The following FCHSD2 variants were observed in gnomAD, a reference collection of about 807,000 sequenced individuals.
FCHSD2 encodes FCH and double SH3 domains 2, also known as F-BAR and double SH3 domains protein 2.
In FCHSD2, 38 loss-of-function variants were observed where a neutral mutation model predicts 108.1. The observed-to-expected ratio is 0.35, with a 90% CI of 0.27 to 0.46. The LOEUF (loss-of-function observed/expected upper bound fraction) is 0.46. FCHSD2 is among the 20% of genes least tolerant of loss of function. The pLI, the probability that FCHSD2 is intolerant of heterozygous loss-of-function variation, is 1.00. For missense variants in FCHSD2, 751 were observed against 897.8 expected, an observed-to-expected ratio of 0.84 and a Z score of 2.09; for synonymous variants, 279 against 314.7, an observed-to-expected ratio of 0.89 and a Z score of 1.20.
intron 2 of FCHSD2, among the ~76,000 whole-genome samples, chr11:73,097,009 T>TTTTTTTTTTGTTTTG (rs1860101324): frequency 8.5e-6 from 1 of 118,316 alleles, no homozygotes; most frequent in African/African-American, 3.4e-5. Flanking sequence ...TTTTTTTTTT[T>TTTTTTTTTTGTTTTG]TTTTTTTGAT....
intron 7 of FCHSD2, among the ~76,000 whole-genome samples, chr11:72,984,595 G>A (rs1857277410): frequency 6.6e-6 from 1 of 152,158 alleles, no homozygotes; most frequent in South Asian, 2.1e-4. Context: ...CACTCCTAAT[G>A]TGCCAGATGA....
At chr11:72,845,613 T>C (rs934721724) in intron 14 of FCHSD2, among the ~76,000 whole-genome samples, 1 of 152,184 alleles carries the variant, frequency 6.6e-6, no homozygotes, top group Non-Finnish European at 1.5e-5. Flanking sequence ...GTTCTTTGCA[T>C]GGCTATCAAG....
intron 3 of FCHSD2, among the ~76,000 whole-genome samples, chr11:73,041,447 A>C (rs1275059181): frequency 6.6e-6 from 1 of 151,968 alleles, no homozygotes; most frequent in African/African-American, 2.4e-5. Flanking sequence ...ATGATATCTC[A>C]TTGTGGTTTT....
At position 73,105,749 on chromosome 11, in the gene FCHSD2, T is replaced by C. The variant is rs530754918; in HGVS notation, c.120-22009A>G. Among the ~76,000 whole-genome samples, 466 of 152,302 alleles carry C rather than the reference T, an allele frequency of 3.1e-3. 1 individual carries two copies. The highest frequency in any genetic ancestry group is 0.011 in the African/African-American group (446 of 41,584). On this transcript the variant is annotated intron_variant, in intron 2 of 19. Transcript: ENST00000409418. ...TAATTGTGTTAATAAATTCAAATTATACTAATTATTTTTAAGTTTTACATA... is the reference window on the plus strand; with the variant it reads ...TAATTGTGTTAATAAATTCAAATTACACTAATTATTTTTAAGTTTTACATA...
chr11:73,052,165 T>C (rs1288337021), intron 3 of FCHSD2, among the ~76,000 whole-genome samples: 2 of 152,214 alleles, frequency 1.3e-5, no homozygotes, highest in Non-Finnish European at 2.9e-5. Flanking sequence ...ATGATGGTGC[T>C]GTGAAGGAAG....
At chr11:73,100,385 T>TG (rs1860195376) in intron 2 of FCHSD2, among the ~76,000 whole-genome samples, 1 of 151,448 alleles carries the variant, frequency 6.6e-6, no homozygotes, top group Admixed American at 6.6e-5. Context: ...TGTTTTGAGA[T>TG]GGAGTTTCAC....
intron 10 of FCHSD2, 39 bp downstream of exon 10, chr11:72,902,504 C>G: frequency 7.1e-7 from 1 of 1,401,974 alleles, no homozygotes; most frequent in Non-Finnish European, 9.9e-7. Flanking sequence ...ACAAACACAA[C>G]TGAACAACAC....
chr11:72,876,975 ATT>A (rs1193412834), intron 12 of FCHSD2, among the ~76,000 whole-genome samples: 4 of 142,746 alleles, frequency 2.8e-5, no homozygotes, highest in Non-Finnish European at 3.1e-5. Flanking sequence ...TGATCACTTC[ATT>A]TTTTTTTTTT....
intron 8 of FCHSD2, among the ~76,000 whole-genome samples, chr11:72,978,359 A>C (rs183792793): frequency 4.7e-4 from 72 of 152,312 alleles, no homozygotes; most frequent in Admixed American, 1.0e-3. Context: ...AAAAATGAGC[A>C]AAAAATCTGA....
At chr11:72,843,415 C>A (rs1861027156) in intron 15 of FCHSD2, 34 bp downstream of exon 15, 3 of 1,607,952 alleles carry the variant, frequency 1.9e-6, no homozygotes, top group Non-Finnish European at 2.6e-6. Context: ...CTAAAAATGT[C>A]ACAAGAAAGG....
intron 2 of FCHSD2, among the ~76,000 whole-genome samples, chr11:73,117,546 A>C (rs1045320896): frequency 2.6e-5 from 4 of 152,182 alleles, no homozygotes; most frequent in Non-Finnish European, 5.9e-5. Flanking sequence ...TATATAGGGC[A>C]TTCATTTTCA....
rs762486252 is a variant in FCHSD2 at position 72,842,665 on chromosome 11, A to C, written c.1882T>G (p.Ser628Ala). The change falls in exon 17 of 20, where the codon TCA becomes GCA. Residue 628 changes from serine (S) to alanine (A), a missense_variant. Coordinates refer to ENST00000409418, the MANE Select transcript of FCHSD2 (RefSeq NM_014824.3). The stretch of plus-strand genomic sequence containing the variant: ...GGAGTGTCACCATTTTCTGAGGCTG[A>C]AAGTTCTTCCACTAGCACCGATGGG... Reference protein sequence around the residue: ...VFPSVLVEELSASENGDTPWM... With the variant: ...VFPSVLVEELAASENGDTPWM... 41 of 1,614,034 alleles carry C rather than the reference A, an allele frequency of 2.5e-5. No individual in the cohort carries two copies. The highest frequency in any genetic ancestry group is 3.3e-4 in the Middle Eastern group (2 of 6,062).
chr11:73,004,385 C>A (rs1857695592), intron 4 of FCHSD2, among the ~76,000 whole-genome samples: 1 of 152,106 alleles, frequency 6.6e-6, no homozygotes, highest in South Asian at 2.1e-4. Flanking sequence ...CTGCTTTGCT[C>A]CCATCCCAAG....
intron 2 of FCHSD2, among the ~76,000 whole-genome samples, chr11:73,130,373 C>T (rs1388127970): frequency 6.6e-6 from 1 of 152,230 alleles, no homozygotes; most frequent in Non-Finnish European, 1.5e-5. Context: ...GCAAGGACTA[C>T]AGGCACGTGC....
At chr11:72,968,004 C>T (rs6592504) in intron 8 of FCHSD2, among the ~76,000 whole-genome samples, 151,106 of 151,570 alleles carry the variant, frequency 1, 75,322 homozygotes, top group Middle Eastern at 1. Flanking sequence ...GGCAGGAGAA[C>T]GGCGTGAACC....
chr11:72,863,230 A>AAGTT (rs1376561590), intron 13 of FCHSD2, among the ~76,000 whole-genome samples: 4 of 152,144 alleles, frequency 2.6e-5, no homozygotes, highest in Non-Finnish European at 4.4e-5. Flanking sequence ...GCAGGCCTGA[A>AAGTT]TAACTGATTT....
At chr11:72,911,580 T>C (rs546326626) in intron 9 of FCHSD2, among the ~76,000 whole-genome samples, 7 of 152,354 alleles carry the variant, frequency 4.6e-5, no homozygotes, top group South Asian at 2.1e-4. Context: ...TTGGGTAGTA[T>C]TGACATTTTA....
intron 9 of FCHSD2, among the ~76,000 whole-genome samples, chr11:72,915,320 T>A (rs187728151): frequency 3.3e-5 from 5 of 152,230 alleles, no homozygotes; most frequent in African/African-American, 9.6e-5. Flanking sequence ...AGTTCAACCA[T>A]CGTGGAAGAC....
chr11:72,877,565 G>C (rs1373751576), intron 12 of FCHSD2, among the ~76,000 whole-genome samples: 8 of 152,076 alleles, frequency 5.3e-5, no homozygotes, highest in Admixed American at 5.2e-4. Context: ...CCTATTACAA[G>C]AAGCAGAAAG....
Sources: allele counts gnomAD v4.1 joint callset (sites outside exome capture counted in the v4.1 genomes callset), GRCh38; gene constraint gnomAD v4.1.1; transcripts MANE v1.5; gene names NCBI Gene and HGNC (gene_info 2026-07-23, HGNC 2026-07-21).